COPG2: variants seen among roughly 807,000 people sequenced by gnomAD.
COPG2 encodes the protein coat protein complex I subunit gamma 2, also known as coatomer subunit gamma-2.
Under a neutral mutation model 46.3 loss-of-function variants are expected in COPG2, and 37 were observed. That is an observed-to-expected ratio of 0.80 (90% CI 0.61 to 1.05). The LOEUF (loss-of-function observed/expected upper bound fraction) is 1.05. COPG2 is among the 50% of genes least tolerant of loss of function. The pLI, the probability that COPG2 is intolerant of heterozygous loss-of-function variation, is 0.00. For missense variants in COPG2, 427 were observed against 387.8 expected (o/e 1.10, Z -0.85); for synonymous variants, 159 against 129.7 (o/e 1.23, Z -1.53).
intron 5 of COPG2, chr7:130,645,384 G>A (rs1404114600): frequency 5.5e-6 from 3 of 540,798 alleles, no homozygotes; most frequent in Non-Finnish European, 1.1e-5. Flanking sequence ...TGCCCTCCAG[G>A]ACCGACTCCA....
chr7:130,578,608 T>C (rs1794063518), intron 9 of COPG2, among the ~76,000 whole-genome samples: 1 of 151,802 alleles, frequency 6.6e-6, no homozygotes, highest in South Asian at 2.1e-4. Context: ...GAAAAAAATT[T>C]AGAAGAATGT....
intron 14 of COPG2, among the ~76,000 whole-genome samples, chr7:130,554,106 T>C (rs1793577861): frequency 6.6e-6 from 1 of 152,146 alleles, no homozygotes. Context: ...ATAGACAGTT[T>C]ACATCTTTAA....
rs567697864 is a variant in COPG2, at chr7:130,619,767, G to A, written c.324-2702C>T. On this transcript the variant is annotated intron_variant, in intron 5 of 23. Transcript: ENST00000425248. ...ATGGTCCCTGAATTCTTTCCAGTGT[G>A]GAAGTCTGCTTGTTGTCCCTGTACT... Among the ~76,000 whole-genome samples, 4 of 152,250 alleles carry A rather than the reference G, an allele frequency of 2.6e-5. No individual in the cohort carries two copies. The South Asian group carries it at 8.3e-4, about 32-fold the overall frequency.
intron 4 of COPG2, among the ~76,000 whole-genome samples, chr7:130,659,926 G>T (rs28505508): frequency 0.16 from 23,496 of 149,752 alleles, 3,472 homozygotes; most frequent in African/African-American, 0.39. Flanking sequence ...CATTGCAAAA[G>T]AAGAAGATGT....
At chr7:130,593,764 G>GA (rs367855032) in intron 9 of COPG2, among the ~76,000 whole-genome samples, 3,814 of 148,946 alleles carry the variant, frequency 0.026, 135 homozygotes, top group African/African-American at 0.088. Context: ...ATCCAAAAAA[G>GA]AAAAAAAAAA....
chr7:130,661,220 A>G (rs144618499), intron 4 of COPG2, among the ~76,000 whole-genome samples: 251 of 152,340 alleles, frequency 1.6e-3, no homozygotes, highest in African/African-American at 5.8e-3. Context: ...ACAGGCTTCA[A>G]AAGTTTGTCC....
chr7:130,636,536 C>T (rs1198499158), intron 5 of COPG2, among the ~76,000 whole-genome samples: 5 of 104,258 alleles, frequency 4.8e-5, no homozygotes, highest in Admixed American at 1.3e-4. Flanking sequence ...GGATTGCAAC[C>T]GGTTTTTTTT....
chr7:130,513,323 A>ATATATGTGTGTGTGTGTGTG (rs1554441302), intron 20 of COPG2, among the ~76,000 whole-genome samples: 1 of 48,326 alleles, frequency 2.1e-5, no homozygotes, highest in Admixed American at 2.8e-4. Context: ...ATATATATAT[A>ATATATGTGTGTGTGTGTGTG]TATATATATA....
intron 9 of COPG2, among the ~76,000 whole-genome samples, chr7:130,602,065 G>A (rs1169300581): frequency 5.3e-5 from 8 of 152,146 alleles, no homozygotes; most frequent in Non-Finnish European, 8.8e-5. Flanking sequence ...ATACGAGGGA[G>A]GGACCTTGAA....
At chr7:130,522,624 G>T (rs1332062175) in intron 20 of COPG2, among the ~76,000 whole-genome samples, 7 of 151,928 alleles carry the variant, frequency 4.6e-5, no homozygotes, top group African/African-American at 1.7e-4. Flanking sequence ...AGAATGGGGT[G>T]GAAGGATGCC....
chr7:130,590,304 G>C (rs1205466152), intron 9 of COPG2, among the ~76,000 whole-genome samples: 1 of 149,574 alleles, frequency 6.7e-6, no homozygotes, highest in Non-Finnish European at 1.5e-5. Context: ...CTCTCATGCC[G>C]AGCCGAAGCT....
chr7:130,542,103 G>A (rs1417772899), intron 20 of COPG2, among the ~76,000 whole-genome samples: 4 of 128,596 alleles, frequency 3.1e-5, no homozygotes, highest in Non-Finnish European at 6.5e-5. Context: ...ACGGAGGTGA[G>A]CTTGTTGAGA....
At chr7:130,620,829 T>C (rs1187648319) in intron 5 of COPG2, among the ~76,000 whole-genome samples, 1 of 152,216 alleles carries the variant, frequency 6.6e-6, no homozygotes, top group African/African-American at 2.4e-5. Flanking sequence ...ATATGGTGAA[T>C]GTGTTTTGCA....
At chr7:130,574,455 C>A (rs1386081590) in intron 9 of COPG2, among the ~76,000 whole-genome samples, 4 of 152,138 alleles carry the variant, frequency 2.6e-5, no homozygotes, top group Non-Finnish European at 4.4e-5. Flanking sequence ...ACAATCACTG[C>A]AGTTTGGCTC....
At chr7:130,550,322 A>T (rs1453122486) in intron 17 of COPG2, among the ~76,000 whole-genome samples, 1 of 145,178 alleles carries the variant, frequency 6.9e-6, no homozygotes, top group African/African-American at 2.6e-5. Context: ...GAGGAAGGAG[A>T]CTCGCTTGAA....
intron 20 of COPG2, among the ~76,000 whole-genome samples, chr7:130,533,600 C>T (rs951219014): frequency 2.6e-5 from 4 of 151,860 alleles, no homozygotes; most frequent in African/African-American, 9.7e-5. Flanking sequence ...AGTGGCAGAA[C>T]GGAGAAGGTA....
intron 20 of COPG2, among the ~76,000 whole-genome samples, chr7:130,533,303 G>C (rs1293764802): frequency 6.6e-6 from 1 of 151,974 alleles, no homozygotes; most frequent in Admixed American, 6.5e-5. Context: ...TGTAGGGGTT[G>C]GGGCACAAGG....
intron 1 of COPG2, 121 bp downstream of exon 1, chr7:130,668,511 T>C (rs1258610202): frequency 2.4e-6 from 2 of 829,420 alleles, no homozygotes; most frequent in Non-Finnish European, 3.4e-6. Flanking sequence ...CGGCTCCAGC[T>C]CCGGCCCCCT....
intron 5 of COPG2, among the ~76,000 whole-genome samples, chr7:130,623,851 T>G (rs1554453951): frequency 6.6e-6 from 1 of 152,130 alleles, no homozygotes; most frequent in African/African-American, 2.4e-5. Flanking sequence ...AACAATTTTT[T>G]TTTTCAAAAA....
Sources: gnomAD v4.1 joint callset for allele counts (sites outside exome capture counted in the v4.1 genomes callset) on GRCh38, gnomAD v4.1.1 for gene constraint, MANE v1.5 for transcripts, NCBI Gene and HGNC (gene_info 2026-07-23, HGNC 2026-07-21) for gene names.